SHISA6: variants seen among roughly 807,000 people sequenced by gnomAD.
The protein encoded by SHISA6 is protein shisa-6.
SHISA6 carries 22 observed loss-of-function variants against 47.9 expected under a neutral mutation model. The observed-to-expected ratio is 0.46, with a 90% CI of 0.33 to 0.66. SHISA6 has a LOEUF of 0.66. Ranked by LOEUF, SHISA6 falls within the 30% of genes least tolerant of loss-of-function variation. SHISA6 has a pLI of 0.02. For synonymous variants in SHISA6, 388 were observed against 337.8 expected, an observed-to-expected ratio of 1.15 and a Z score of -1.63; for missense variants, 680 against 764.6, an observed-to-expected ratio of 0.89 and a Z score of 1.30.
At chr17:11,379,741 T>G (rs753071666) in intron 3 of SHISA6, 3 of 379,124 alleles carry the variant, frequency 7.9e-6, no homozygotes, top group Non-Finnish European at 1.4e-5. Flanking sequence ...ACTCCACCCA[T>G]GGCGGGGACA....
At chr17:11,329,136 G>T (rs1211911543) in intron 2 of SHISA6, among the ~76,000 whole-genome samples, 3 of 152,182 alleles carry the variant, frequency 2.0e-5, no homozygotes, top group Non-Finnish European at 4.4e-5. Flanking sequence ...AGGGAATAAA[G>T]AAAAGGTGGC....
chr17:11,332,388 G>T (rs888695008), intron 2 of SHISA6, among the ~76,000 whole-genome samples: 1 of 152,072 alleles, frequency 6.6e-6, no homozygotes, highest in African/African-American at 2.4e-5. Flanking sequence ...CGTCCTTATG[G>T]GTAAAATTAT....
At chr17:11,253,724 C>T (rs1907904148) in intron 1 of SHISA6, among the ~76,000 whole-genome samples, 1 of 152,178 alleles carries the variant, frequency 6.6e-6, no homozygotes, top group African/African-American at 2.4e-5. Flanking sequence ...TTTCCCTCTT[C>T]TTGTTTCTTT....
chr17:11,242,860 C>A (rs991372042), intron 1 of SHISA6, among the ~76,000 whole-genome samples: 2 of 152,150 alleles, frequency 1.3e-5, no homozygotes, highest in African/African-American at 4.8e-5. Context: ...CCCCGACGCA[C>A]CATCTTGCCC....
chr17:11,431,036 G>T (rs1221783609), intron 3 of SHISA6, among the ~76,000 whole-genome samples: 1 of 152,184 alleles, frequency 6.6e-6, no homozygotes, highest in East Asian at 1.9e-4. Context: ...GGGCTGGGGT[G>T]CCAAGGTTTG....
chr17:11,426,678 T>G (rs1219874222), intron 3 of SHISA6, among the ~76,000 whole-genome samples: 1 of 152,210 alleles, frequency 6.6e-6, no homozygotes, highest in South Asian at 2.1e-4. Context: ...TAGATAAACA[T>G]CTTAATAAAT....
At chr17:11,411,179 C>T (rs768082738) in intron 3 of SHISA6, among the ~76,000 whole-genome samples, 3 of 151,744 alleles carry the variant, frequency 2.0e-5, no homozygotes, top group African/African-American at 7.3e-5. Flanking sequence ...CCTGTTAGCC[C>T]GGTTGGTCTC....
chr17:11,416,415 T>C (rs1388513253), intron 3 of SHISA6, among the ~76,000 whole-genome samples: 4 of 152,208 alleles, frequency 2.6e-5, no homozygotes, highest in African/African-American at 9.6e-5. Flanking sequence ...TGATGTGAAC[T>C]GCAGAACTAT....
At chr17:11,270,020 G>T (rs1908579153) in intron 2 of SHISA6, among the ~76,000 whole-genome samples, 2 of 152,080 alleles carry the variant, frequency 1.3e-5, no homozygotes. Context: ...CTGTCATCCA[G>T]GCTGGAGTGC....
intron 2 of SHISA6, among the ~76,000 whole-genome samples, chr17:11,302,659 G>A (rs1909969687): frequency 6.6e-6 from 1 of 152,284 alleles, no homozygotes; most frequent in African/African-American, 2.4e-5. Flanking sequence ...GGAACATCTG[G>A]ACCAGTCCAA....
intron 2 of SHISA6, among the ~76,000 whole-genome samples, chr17:11,276,450 A>T (rs1242925382): frequency 6.6e-6 from 1 of 152,172 alleles, no homozygotes; most frequent in Non-Finnish European, 1.5e-5. Flanking sequence ...GTTATTTTGA[A>T]CAATTTCAAA....
At chr17:11,343,072 C>G (rs1400837226) in intron 2 of SHISA6, among the ~76,000 whole-genome samples, 1 of 152,238 alleles carries the variant, frequency 6.6e-6, no homozygotes, top group Non-Finnish European at 1.5e-5. Flanking sequence ...AAGATACACA[C>G]AGCTGGAACT....
At chr17:11,451,364 T>C (rs1483865224) in intron 3 of SHISA6, among the ~76,000 whole-genome samples, 1 of 152,226 alleles carries the variant, frequency 6.6e-6, no homozygotes, top group Non-Finnish European at 1.5e-5. Context: ...GAAATGTACA[T>C]TCATTCATTC....
At chr17:11,441,445 A>G (rs1443261023) in intron 3 of SHISA6, among the ~76,000 whole-genome samples, 1 of 152,234 alleles carries the variant, frequency 6.6e-6, no homozygotes, top group African/African-American at 2.4e-5. Flanking sequence ...GGAATGAGCC[A>G]TCTCCATCAG....
chr17:11,277,280 T>TCTCTCACACACA (rs1386997909), intron 2 of SHISA6, among the ~76,000 whole-genome samples: 36 of 53,928 alleles, frequency 6.7e-4, no homozygotes, highest in East Asian at 4.5e-3. Context: ...TCTCTCTCTC[T>TCTCTCACACACA]CACACACACA....
intron 2 of SHISA6, among the ~76,000 whole-genome samples, chr17:11,317,201 CTT>C (rs1910552607): frequency 6.6e-6 from 1 of 151,842 alleles, no homozygotes; most frequent in Non-Finnish European, 1.5e-5. Context: ...ATTATTATGT[CTT>C]TTGTCATAAT....
chr17:11,405,766 C>T (rs1042820133), intron 3 of SHISA6, among the ~76,000 whole-genome samples: 2 of 151,606 alleles, frequency 1.3e-5, no homozygotes, highest in African/African-American at 4.8e-5. Context: ...ACGTTCTAGC[C>T]TGGGTGACAG....
At chr17:11,524,486 T>C (rs2071658628) in intron 3 of SHISA6, among the ~76,000 whole-genome samples, 1 of 149,112 alleles carries the variant, frequency 6.7e-6, no homozygotes, top group Non-Finnish European at 1.5e-5. Context: ...CTTTTCTTTT[T>C]TTCTTTTTTC....
At chr17:11,266,046 C>T (rs961126346) in intron 2 of SHISA6, among the ~76,000 whole-genome samples, 1 of 152,222 alleles carries the variant, frequency 6.6e-6, no homozygotes, top group Non-Finnish European at 1.5e-5. Flanking sequence ...AAAGCAATTT[C>T]ATCACAAGCC....
Sources: gnomAD v4.1 joint callset for allele counts (sites outside exome capture counted in the v4.1 genomes callset) on GRCh38, gnomAD v4.1.1 for gene constraint, MANE v1.5 for transcripts, NCBI Gene and HGNC (gene_info 2026-07-23, HGNC 2026-07-21) for gene names.